The following PRKCE variants were observed in gnomAD, a reference collection of about 807,000 sequenced individuals.
PRKCE encodes the protein protein kinase C epsilon type.
PRKCE carries 16 observed loss-of-function variants against 85.4 expected under a neutral mutation model. That is an observed-to-expected ratio of 0.19 (90% CI 0.13 to 0.28). The LOEUF (loss-of-function observed/expected upper bound fraction) is 0.28, where lower values mean the gene tolerates loss of function less well. Among genes scored for constraint, PRKCE ranks in the 10% least tolerant of loss-of-function variants. PRKCE has a pLI of 1.00. For synonymous variants in PRKCE, 388 were observed against 371.5 expected, an observed-to-expected ratio of 1.04 and a Z score of -0.51; for missense variants, 573 against 975.2, an observed-to-expected ratio of 0.59 and a Z score of 5.49.
intron 10 of PRKCE, chr2:46,010,803 C>A: frequency 6.3e-7 from 1 of 1,585,850 alleles, no homozygotes; most frequent in South Asian, 1.1e-5. Flanking sequence ...ATTGGAAAAA[C>A]CAACAAGTGT....
chr2:45,699,546 G>A (rs1572980743), intron 1 of PRKCE, among the ~76,000 whole-genome samples: 1 of 152,200 alleles, frequency 6.6e-6, no homozygotes, highest in East Asian at 1.9e-4. Context: ...GCTGGTGAAG[G>A]ATGAGGGGCA....
chr2:45,881,620 C>G (rs985376808), intron 2 of PRKCE, among the ~76,000 whole-genome samples: 2 of 152,164 alleles, frequency 1.3e-5, no homozygotes, highest in African/African-American at 4.8e-5. Context: ...GATGTTTATT[C>G]TCTTAATTAT....
chr2:46,079,832 C>T (rs1413402660), intron 10 of PRKCE, among the ~76,000 whole-genome samples: 3 of 152,210 alleles, frequency 2.0e-5, no homozygotes, highest in Non-Finnish European at 2.9e-5. Flanking sequence ...GAAAGATTAA[C>T]GCTCTGGGAA....
chr2:45,978,770 C>A, intron 3 of PRKCE: 1 of 552,952 alleles, frequency 1.8e-6, no homozygotes. Context: ...AACCTTGCAC[C>A]TCCCCAAGCA....
At chr2:46,042,459 T>G (rs1180848510) in intron 10 of PRKCE, among the ~76,000 whole-genome samples, 1 of 152,188 alleles carries the variant, frequency 6.6e-6, no homozygotes, top group African/African-American at 2.4e-5. Context: ...AGTCCAAGAT[T>G]CTGTTCCGAA....
intron 10 of PRKCE, among the ~76,000 whole-genome samples, 167 bp from the exon 11 acceptor site, chr2:46,086,041 T>C (rs1346431393): frequency 6.6e-6 from 1 of 152,214 alleles, no homozygotes; most frequent in Non-Finnish European, 1.5e-5. Context: ...ATCTGTGTGC[T>C]TTATTCGTTT....
At chr2:45,970,370 G>T (rs1481477574) in intron 2 of PRKCE, among the ~76,000 whole-genome samples, 4 of 152,036 alleles carry the variant, frequency 2.6e-5, no homozygotes, top group Admixed American at 6.6e-5. Flanking sequence ...TTATCTATGG[G>T]GATCTTGATA....
intron 2 of PRKCE, among the ~76,000 whole-genome samples, chr2:45,952,038 G>A (rs1700657393): frequency 6.6e-6 from 1 of 152,130 alleles, no homozygotes; most frequent in African/African-American, 2.4e-5. Context: ...TCATCATGTT[G>A]GCCAGGCTGG....
At chr2:45,990,654 C>G (rs1703716520) in intron 6 of PRKCE, among the ~76,000 whole-genome samples, 1 of 151,422 alleles carries the variant, frequency 6.6e-6, no homozygotes, top group Non-Finnish European at 1.5e-5. Context: ...TTCTAAATTA[C>G]TTTCTTTTTT....
chr2:46,071,460 A>G (rs1668077022), intron 10 of PRKCE, among the ~76,000 whole-genome samples: 1 of 152,238 alleles, frequency 6.6e-6, no homozygotes, highest in African/African-American at 2.4e-5. Context: ...TTTTACAAAT[A>G]GGGAAACCAG....
intron 10 of PRKCE, among the ~76,000 whole-genome samples, chr2:46,020,497 T>A (rs1180002280): frequency 6.6e-6 from 1 of 152,176 alleles, no homozygotes; most frequent in Non-Finnish European, 1.5e-5. Context: ...GTCCTTTCAT[T>A]ATTAAAATGG....
intron 10 of PRKCE, among the ~76,000 whole-genome samples, chr2:46,082,311 A>T (rs780760502): frequency 6.6e-6 from 1 of 152,196 alleles, no homozygotes; most frequent in Non-Finnish European, 1.5e-5. Context: ...GGACAAGTAT[A>T]CAGGGAAAAA....
At chr2:46,115,763 C>T (rs1672705192) in intron 11 of PRKCE, among the ~76,000 whole-genome samples, 1 of 152,214 alleles carries the variant, frequency 6.6e-6, no homozygotes, top group Non-Finnish European at 1.5e-5. Context: ...CAGACACAGG[C>T]TGCTTTCCCC....
chr2:46,108,543 G>A (rs1401466539), intron 11 of PRKCE, among the ~76,000 whole-genome samples: 7 of 152,192 alleles, frequency 4.6e-5, no homozygotes, highest in South Asian at 2.1e-4. Context: ...GAGGCTGCTC[G>A]ATGGGTACAA....
intron 1 of PRKCE, among the ~76,000 whole-genome samples, chr2:45,783,521 C>G (rs917468624): frequency 1.1e-4 from 16 of 152,198 alleles, no homozygotes; most frequent in African/African-American, 3.9e-4. Context: ...GCATTTCCCT[C>G]CTTGGGAATC....
chr2:46,040,286 C>T (rs1330869089), intron 10 of PRKCE, among the ~76,000 whole-genome samples: 1 of 152,098 alleles, frequency 6.6e-6, no homozygotes, highest in South Asian at 2.1e-4. Context: ...AGAGGATCCA[C>T]ACAAAAGAGG....
chr2:45,691,788 T>C (rs889100542), intron 1 of PRKCE, among the ~76,000 whole-genome samples: 2 of 152,162 alleles, frequency 1.3e-5, no homozygotes, highest in African/African-American at 4.8e-5. Context: ...CAGCTTTGCA[T>C]GGAGGCGGCA....
At chr2:46,010,960 A>G in intron 10 of PRKCE, 1 of 1,394,366 alleles carries the variant, frequency 7.2e-7, no homozygotes, top group Non-Finnish European at 9.3e-7. Context: ...GATGTGAACA[A>G]ATGCTTAAAA....
At chr2:45,705,955 A>T (rs560375308) in intron 1 of PRKCE, among the ~76,000 whole-genome samples, 1 of 152,216 alleles carries the variant, frequency 6.6e-6, no homozygotes, top group African/African-American at 2.4e-5. Context: ...TTTAAGTTAG[A>T]TATCTGCTTC....
Sources: gnomAD v4.1 joint callset for allele counts (sites outside exome capture counted in the v4.1 genomes callset) on GRCh38, gnomAD v4.1.1 for gene constraint, MANE v1.5 for transcripts, NCBI Gene and HGNC (gene_info 2026-07-23, HGNC 2026-07-21) for gene names.